Variants in MSRA observed in about 807,000 individuals in gnomAD.
The protein encoded by MSRA is methionine sulfoxide reductase A.
A neutral mutation model predicts 31.3 loss-of-function variants in MSRA; 54 were observed. The ratio of observed to expected loss-of-function variants is 1.73; its 90% CI spans 1.39 to 2.17. The LOEUF (loss-of-function observed/expected upper bound fraction) is 2.17. Among genes scored for constraint, MSRA ranks in the 30% most tolerant of loss-of-function variants. MSRA has a pLI of 0.00. For synonymous variants in MSRA, 169 were observed against 116.5 expected (o/e 1.45, Z -2.90); for missense variants, 507 against 300.9 (o/e 1.69, Z -5.07).
chr8:10,289,746 C>T (rs56220175), intron 3 of MSRA, among the ~76,000 whole-genome samples: 17,168 of 152,186 alleles, frequency 0.11, 1,243 homozygotes, highest in East Asian at 0.18. Context: ...AGGTGGAACA[C>T]AGACACTTTT....
chr8:10,265,683 C>G (rs938683838), intron 3 of MSRA, among the ~76,000 whole-genome samples: 1 of 152,108 alleles, frequency 6.6e-6, no homozygotes, highest in South Asian at 2.1e-4. Context: ...ACTGTAAAGC[C>G]CTCACCACAG....
chr8:10,303,150 C>G (rs547292682), intron 4 of MSRA, among the ~76,000 whole-genome samples: 1 of 152,316 alleles, frequency 6.6e-6, no homozygotes, highest in South Asian at 2.1e-4. Flanking sequence ...GAGGCCCAGG[C>G]AAGGCCTGAA....
At chr8:10,099,584 G>A (rs1799401442) in intron 1 of MSRA, among the ~76,000 whole-genome samples, 1 of 152,198 alleles carries the variant, frequency 6.6e-6, no homozygotes, top group South Asian at 2.1e-4. Flanking sequence ...ACTGAGTGGC[G>A]AACCAGAGTA....
chr8:10,296,310 A>G (rs1049897884), intron 3 of MSRA, among the ~76,000 whole-genome samples: 2 of 152,186 alleles, frequency 1.3e-5, no homozygotes, highest in African/African-American at 4.8e-5. Flanking sequence ...TTGAGTCCTA[A>G]TGGGGGCGGC....
rs1330350910 is a variant in MSRA at position 10,054,594 on chromosome 8, G to C, written c.78G>C (p.Ser26=). The C allele has an allele frequency of 1.9e-6, 3 of 1,581,178 alleles. No homozygotes were observed. In the Admixed American group the frequency reaches 5.3e-5, roughly 28 times the overall value. The change falls in exon 1 of 6, where the codon TCG becomes TCC. Residue 26 remains serine (S), a synonymous_variant. Coordinates refer to ENST00000317173, the MANE Select transcript of MSRA (RefSeq NM_012331.5). The part of the protein sequence containing the change: ...SLFPVPRMGN[S]ASNIVSPQEA... The stretch of plus-strand genomic sequence containing the variant: ...TTCCCGTCCCGAGGATGGGCAACTC[G>C]GCCTCGAACATCGTCAGCCCCCAGG...
rs145470088 is a variant in MSRA, at chr8:10,178,640, G to C, written c.143-29193G>C. ...TGAAAGCATAGATTGACTTTGCATA[G>C]ACATCAGTGTCAATAATGATCATTT... On this transcript the variant is annotated intron_variant, in intron 1 of 5. Transcript: ENST00000317173. Among the ~76,000 whole-genome samples, 20 of 152,266 alleles carry C rather than the reference G, an allele frequency of 1.3e-4. No homozygotes were observed. The East Asian group carries it at 2.5e-3, about 19-fold the overall frequency.
intron 3 of MSRA, among the ~76,000 whole-genome samples, chr8:10,247,588 T>C (rs984057858): frequency 9.9e-5 from 15 of 152,152 alleles, no homozygotes; most frequent in Non-Finnish European, 2.9e-5. Flanking sequence ...TAGAGGCCTC[T>C]AGCAAGTGGT....
At chr8:10,387,898 C>G (rs1806492273) in intron 5 of MSRA, among the ~76,000 whole-genome samples, 1 of 152,136 alleles carries the variant, frequency 6.6e-6, no homozygotes, top group Non-Finnish European at 1.5e-5. Context: ...CAGGCAGCTT[C>G]TAGGGCCTTC....
intron 1 of MSRA, among the ~76,000 whole-genome samples, chr8:10,164,055 T>G (rs576019374): frequency 2.3e-4 from 35 of 152,396 alleles, no homozygotes; most frequent in African/African-American, 8.4e-4. Flanking sequence ...TAGGTCCTTC[T>G]CTTAAGTTTT....
At chr8:10,269,202 C>T (rs1384996174) in intron 3 of MSRA, among the ~76,000 whole-genome samples, 1 of 152,178 alleles carries the variant, frequency 6.6e-6, no homozygotes, top group Non-Finnish European at 1.5e-5. Flanking sequence ...CAATTGTGCT[C>T]CAACAATTGT....
chr8:10,417,346 C>G (rs1426975530), intron 5 of MSRA, among the ~76,000 whole-genome samples: 1 of 151,712 alleles, frequency 6.6e-6, no homozygotes, highest in Non-Finnish European at 1.5e-5. Context: ...TTCCATTGTC[C>G]CAGAGCCTGG....
chr8:10,195,409 T>G (rs1306164707), intron 1 of MSRA, among the ~76,000 whole-genome samples: 1 of 152,180 alleles, frequency 6.6e-6, no homozygotes, highest in Non-Finnish European at 1.5e-5. Flanking sequence ...CCAGGCTAAT[T>G]TTTTGTATTT....
At chr8:10,379,114 A>G (rs1166142887) in intron 5 of MSRA, among the ~76,000 whole-genome samples, 1 of 151,606 alleles carries the variant, frequency 6.6e-6, no homozygotes, top group African/African-American at 2.4e-5. Flanking sequence ...ACTGCAGAAC[A>G]CCTCCCTAAT....
chr8:10,093,796 G>C (rs903457058), intron 1 of MSRA, among the ~76,000 whole-genome samples: 3 of 152,106 alleles, frequency 2.0e-5, no homozygotes, highest in African/African-American at 7.2e-5. Context: ...ATTTCTTGTA[G>C]AGCAGGTCTG....
Position 10,149,608 on chromosome 8 carries a change from C to T in MSRA, c.143-58225C>T, listed in dbSNP as rs1484484869. On this transcript the variant is annotated intron_variant, in intron 1 of 5. Coordinates refer to ENST00000317173, the MANE Select transcript of MSRA (RefSeq NM_012331.5). Reference sequence around the variant, plus strand: ...ATTGGGCAGGCTAACGTTTTAATAACATTGTTTGGTTTTCACTGTATTAAT... The same window carrying T: ...ATTGGGCAGGCTAACGTTTTAATAATATTGTTTGGTTTTCACTGTATTAAT... Among the ~76,000 whole-genome samples, 4 of 152,010 alleles carry T rather than the reference C, an allele frequency of 2.6e-5. No homozygotes were observed. In the East Asian group the frequency reaches 7.8e-4, roughly 30 times the overall value.
chr8:10,056,336 A>G (rs1352281026), intron 1 of MSRA, among the ~76,000 whole-genome samples: 5 of 152,056 alleles, frequency 3.3e-5, no homozygotes, highest in African/African-American at 1.2e-4. Flanking sequence ...GTTTCCTAAT[A>G]TGTAAATGAC....
At chr8:10,077,154 A>T (rs1444249109) in intron 1 of MSRA, among the ~76,000 whole-genome samples, 5 of 152,208 alleles carry the variant, frequency 3.3e-5, no homozygotes, top group Non-Finnish European at 5.9e-5. Context: ...TGAGAACATC[A>T]GGAAGAAATG....
At chr8:10,166,642 G>T (rs142185404) in intron 1 of MSRA, among the ~76,000 whole-genome samples, 24 of 152,292 alleles carry the variant, frequency 1.6e-4, no homozygotes, top group African/African-American at 5.8e-4. Flanking sequence ...CATTCTGTGG[G>T]CTGGGGATCT....
intron 2 of MSRA, among the ~76,000 whole-genome samples, chr8:10,231,724 G>A (rs1811489366): frequency 6.6e-6 from 1 of 152,064 alleles, no homozygotes; most frequent in Admixed American, 6.5e-5. Flanking sequence ...TCAACATGGT[G>A]AAACCCCGTC....
Sources: gnomAD v4.1 joint callset for allele counts (sites outside exome capture counted in the v4.1 genomes callset) on GRCh38, gnomAD v4.1.1 for gene constraint, MANE v1.5 for transcripts, NCBI Gene and HGNC (gene_info 2026-07-23, HGNC 2026-07-21) for gene names.